AGAP1: variants seen among roughly 807,000 people sequenced by gnomAD.
The protein encoded by AGAP1 is ArfGAP with GTPase domain, ankyrin repeat and PH domain 1.
A neutral mutation model predicts 105.3 loss-of-function variants in AGAP1; 29 were observed. The ratio of observed to expected loss-of-function variants is 0.28; its 90% CI spans 0.21 to 0.38. The LOEUF is 0.38. Ranked by LOEUF, AGAP1 falls within the 10% of genes least tolerant of loss-of-function variation. AGAP1 has a pLI of 1.00. For missense variants in AGAP1, 998 were observed against 1,165.1 expected (o/e 0.86, Z 2.09); for synonymous variants, 509 against 485.9 (o/e 1.05, Z -0.63).
In AGAP1 at chr2:235,970,378, C is replaced by T. The variant is rs1025783273; in HGVS notation, c.1645+1755C>T. Among the ~76,000 whole-genome samples, 4 of 152,158 alleles carry T rather than the reference C, an allele frequency of 2.6e-5. No homozygotes were observed. Among genetic ancestry groups the T allele is most frequent in the African/African-American group, 9.7e-5 (4 of 41,424 alleles). On this transcript the variant is annotated intron_variant, in intron 13 of 17. Coordinates refer to ENST00000304032, the MANE Select transcript of AGAP1 (RefSeq NM_001037131.3). The surrounding 1 kb of genome is among the most constrained non-coding windows in gnomAD (Gnocchi z 5.4). Reference sequence around the variant, plus strand: ...CCGCAGGCGCTCTGTGTTGGTAAGACTCCTTCAGACAACCGTTGGGCAAAA... The same window carrying T: ...CCGCAGGCGCTCTGTGTTGGTAAGATTCCTTCAGACAACCGTTGGGCAAAA...
At chr2:235,539,614 G>A (rs1026208638) in intron 1 of AGAP1, among the ~76,000 whole-genome samples, 1 of 152,180 alleles carries the variant, frequency 6.6e-6, no homozygotes, top group Non-Finnish European at 1.5e-5. Flanking sequence ...GTGTGAGGTG[G>A]TGCAGGTGGC....
In AGAP1 at chr2:235,780,865, G is replaced by A. The variant is rs1272684533; in HGVS notation, c.674-16894G>A. 2.0e-5 allele frequency among the ~76,000 whole-genome samples: 3 copies of A among 152,316 alleles called. No individual in the cohort carries two copies. In the East Asian group the frequency reaches 5.8e-4, roughly 29 times the overall value. On this transcript the variant is annotated intron_variant, in intron 6 of 17. Transcript: ENST00000304032. Reference sequence around the variant, plus strand: ...TACTGAGATAATGATGGTATCTGCTGTGTAGCCTCTTCAAGGTAGGTGGTT... The same window carrying A: ...TACTGAGATAATGATGGTATCTGCTATGTAGCCTCTTCAAGGTAGGTGGTT...
At position 235,705,990 on chromosome 2, in the gene AGAP1, T is replaced by G. The variant is rs924240555; in HGVS notation, c.164-3189T>G. Among the ~76,000 whole-genome samples the G allele has an allele frequency of 1.1e-4, 16 of 152,214 alleles. No homozygotes were observed. Among genetic ancestry groups the G allele is most frequent in the Non-Finnish European group, 2.9e-5 (2 of 68,054 alleles). On this transcript the variant is annotated intron_variant, in intron 1 of 17. Transcript: ENST00000304032. The surrounding 1 kb of genome is among the most constrained non-coding windows in gnomAD (Gnocchi z 4.9). Reference sequence around the variant, plus strand: ...TAATTCACAGTTTACCCTCTTTGTTTTACTATTAAAGTTCATTTTTAAAAC... The same window carrying G: ...TAATTCACAGTTTACCCTCTTTGTTGTACTATTAAAGTTCATTTTTAAAAC...
At position 235,728,085 on chromosome 2, in the gene AGAP1, G is replaced by A. The variant is rs1047348532; in HGVS notation, c.310+10441G>A. Among the ~76,000 whole-genome samples the A allele has an allele frequency of 6.6e-6, 1 of 152,228 alleles. No individual in the cohort carries two copies. The highest frequency in any genetic ancestry group is 1.5e-5 in the Non-Finnish European group (1 of 68,044). On this transcript the variant is annotated intron_variant, in intron 3 of 17. Transcript: ENST00000304032. The surrounding 1 kb of genome is among the most constrained non-coding windows in gnomAD (Gnocchi z 4.3). ...TGCCCAGTGGGGGCCTGGACACTAA[G>A]TGCCACTTCTCTGCCCATGGCAAAT...
At chr2:235,604,148 T>A (rs1234801977) in intron 1 of AGAP1, among the ~76,000 whole-genome samples, 2 of 150,572 alleles carry the variant, frequency 1.3e-5, no homozygotes, top group African/African-American at 2.4e-5. Context: ...GAATGGAATT[T>A]AAAAAAAAAA....
chr2:235,725,840 A>G lies in AGAP1; in HGVS notation c.310+8196A>G, dbSNP rs1318008513. Among the ~76,000 whole-genome samples the G allele has an allele frequency of 1.3e-5, 2 of 152,220 alleles. No homozygotes were observed. Among genetic ancestry groups the G allele is most frequent in the African/African-American group, 4.8e-5 (2 of 41,456 alleles). ...CTTGACCCCTGGCATGGAAGCCATC[A>G]GTGAGGATCAGGTGATATTGTCTAA... On this transcript the variant is annotated intron_variant, in intron 3 of 17. Transcript: ENST00000304032. This position sits in a 1 kb window ranked among gnomAD's most constrained non-coding sequence, Gnocchi z 5.7.
chr2:235,940,036 A>G (rs2053188323), intron 12 of AGAP1, among the ~76,000 whole-genome samples: 1 of 151,978 alleles, frequency 6.6e-6, no homozygotes, highest in South Asian at 2.1e-4. Flanking sequence ...TATTTGAAGA[A>G]CTCCAGCTTT....
intron 12 of AGAP1, among the ~76,000 whole-genome samples, chr2:235,956,771 T>G (rs1388334289): frequency 6.6e-6 from 1 of 152,136 alleles, no homozygotes; most frequent in Non-Finnish European, 1.5e-5. Flanking sequence ...CAGATCCTGG[T>G]AGGTGGCTGG....
At chr2:235,656,074 C>T (rs1947761712) in intron 1 of AGAP1, among the ~76,000 whole-genome samples, 1 of 152,218 alleles carries the variant, frequency 6.6e-6, no homozygotes, top group South Asian at 2.1e-4. Flanking sequence ...CACTGGAGTT[C>T]TCCTTCACCA....
At chr2:236,106,950 T>C (rs925298146) in intron 16 of AGAP1, among the ~76,000 whole-genome samples, 2 of 151,448 alleles carry the variant, frequency 1.3e-5, no homozygotes, top group Middle Eastern at 3.3e-3. Flanking sequence ...TACAGATGTG[T>C]CAACGTGGGA....
chr2:235,592,772 G>A (rs1250922931), intron 1 of AGAP1, among the ~76,000 whole-genome samples: 1 of 152,192 alleles, frequency 6.6e-6, no homozygotes, highest in African/African-American at 2.4e-5. Context: ...GGGACGTGAT[G>A]GCTAAAGCTG....
intron 1 of AGAP1, among the ~76,000 whole-genome samples, chr2:235,536,659 A>G (rs1460094519): frequency 1.3e-5 from 2 of 151,130 alleles, no homozygotes; most frequent in Non-Finnish European, 3.0e-5. Context: ...ACACACACAC[A>G]CACACACACA....
intron 1 of AGAP1, among the ~76,000 whole-genome samples, chr2:235,619,862 T>C (rs1946419678): frequency 6.6e-6 from 1 of 152,132 alleles, no homozygotes; most frequent in Admixed American, 6.5e-5. Flanking sequence ...CTGTTCTACT[T>C]TTTTCTGCAA....
intron 12 of AGAP1, among the ~76,000 whole-genome samples, chr2:235,932,863 G>T (rs1445165346): frequency 2.0e-5 from 3 of 152,222 alleles, no homozygotes; most frequent in African/African-American, 7.2e-5. Flanking sequence ...ATGGAAGTGG[G>T]CTGCATTGTC....
intron 9 of AGAP1, among the ~76,000 whole-genome samples, chr2:235,840,035 G>T (rs945747112): frequency 1.3e-5 from 2 of 152,220 alleles, no homozygotes; most frequent in African/African-American, 2.4e-5. Context: ...GAGTGTATTA[G>T]CTGTTTATTC....
rs1352070582 is a variant in AGAP1, at chr2:235,664,939, A to T, written c.164-44240A>T. On this transcript the variant is annotated intron_variant, in intron 1 of 17. Coordinates refer to ENST00000304032, the MANE Select transcript of AGAP1 (RefSeq NM_001037131.3). This position sits in a 1 kb window ranked among gnomAD's most constrained non-coding sequence, Gnocchi z 5.7. ...CTTTACCATAAATGAAAAAAACGTTAGCCAAGCATGGTGGCTCACGCCTGT... is the reference window on the plus strand; with the variant it reads ...CTTTACCATAAATGAAAAAAACGTTTGCCAAGCATGGTGGCTCACGCCTGT... 1.3e-5 allele frequency among the ~76,000 whole-genome samples: 2 copies of T among 152,156 alleles called. No homozygotes were observed. The highest frequency in any genetic ancestry group is 3.9e-4 in the East Asian group (2 of 5,194).
intron 1 of AGAP1, among the ~76,000 whole-genome samples, chr2:235,583,497 C>T (rs1201831071): frequency 1.3e-5 from 2 of 151,746 alleles, no homozygotes; most frequent in East Asian, 1.9e-4. Flanking sequence ...TACTCAGCCT[C>T]ATACTCAGCC....
chr2:235,652,838 G>T (rs1007537863), intron 1 of AGAP1, among the ~76,000 whole-genome samples: 1 of 152,096 alleles, frequency 6.6e-6, no homozygotes, highest in African/African-American at 2.4e-5. Context: ...AGGGTGGGCA[G>T]AGGTTGCAAT....
In AGAP1 at chr2:235,880,475, A is replaced by G. The variant is rs182078294; in HGVS notation, c.1051-2870A>G. On this transcript the variant is annotated intron_variant, in intron 9 of 17. Transcript: ENST00000304032. ...ATGAATGACGGAAAAATGGGAGCCC[A>G]CTGGAGAACTTGAGTGAGGGCGAGG... Among the ~76,000 whole-genome samples the G allele has an allele frequency of 8.7e-4, 132 of 152,158 alleles. 1 individual carries two copies. Among genetic ancestry groups the G allele is most frequent in the African/African-American group, 3.1e-3 (128 of 41,508 alleles).
Sources: allele counts gnomAD v4.1 joint callset (sites outside exome capture counted in the v4.1 genomes callset), GRCh38; gene constraint gnomAD v4.1.1; non-coding constraint Gnocchi (gnomAD v3.1); transcripts MANE v1.5; gene names NCBI Gene and HGNC (gene_info 2026-07-23, HGNC 2026-07-21).